Variants in CES4A observed in about 807,000 individuals in gnomAD.
CES4A encodes the protein carboxylesterase 6.
CES4A carries 48 observed loss-of-function variants against 65.4 expected under a neutral mutation model. The observed-to-expected ratio is 0.73, with a 90% CI of 0.58 to 0.93. The LOEUF is 0.93. Ranked by LOEUF, CES4A falls within the 40% of genes least tolerant of loss-of-function variation. The pLI, the probability that CES4A is intolerant of heterozygous loss-of-function variation, is 0.00. For synonymous variants in CES4A, 247 were observed against 281.8 expected, an observed-to-expected ratio of 0.88 and a Z score of 1.24; for missense variants, 685 against 728.5, an observed-to-expected ratio of 0.94 and a Z score of 0.69.
chr16:66,991,802 G>A (rs1964414711), intron 1 of CES4A, among the ~76,000 whole-genome samples: 1 of 152,074 alleles, frequency 6.6e-6, no homozygotes, highest in Admixed American at 6.6e-5. Flanking sequence ...GCCCTATAAG[G>A]TTTTCAGAAA....
intron 2 of CES4A, among the ~76,000 whole-genome samples, chr16:66,997,052 G>A (rs1362869195): frequency 6.7e-6 from 1 of 149,042 alleles, no homozygotes; most frequent in African/African-American, 2.5e-5. Context: ...GCCACAGAGT[G>A]AGACCCTGTC....
At chr16:67,009,248 G>A (rs1459464524) in exon 14 of CES4A, 4 of 1,148,630 alleles carry the variant, frequency 3.5e-6, no homozygotes, top group African/African-American at 1.6e-5. Flanking sequence ...ACCCACCCCA[G>A]TTTAGAACTG....
At chr16:67,004,264 A>C in intron 9 of CES4A, 40 bp downstream of exon 9, 1 of 1,610,594 alleles carries the variant, frequency 6.2e-7, no homozygotes, top group Non-Finnish European at 8.5e-7. Flanking sequence ...GCCTTACGTA[A>C]GTGAGTACCA....
Position 67,005,356 on chromosome 16 carries a change from C to T in CES4A, c.1278C>T (p.Phe426=), listed in dbSNP as rs200048468. 1,949 of 1,614,106 alleles carry T rather than the reference C, an allele frequency of 1.2e-3. 25 individuals carry two copies. Among genetic ancestry groups the T allele is most frequent in the Middle Eastern group, 4.0e-3 (24 of 6,062 alleles). The change falls in exon 11 of 14, where the codon TTC becomes TTT. Residue 426 remains phenylalanine (F), a synonymous_variant. Coordinates refer to ENST00000648724, the Ensembl canonical transcript of CES4A. ...TGGACATAGTTCAAGATGCCACTTT[C>T]GTGTATGCCACACTGCAGACTGCTC...
rs1409478469 is a variant in CES4A at position 66,993,428 on chromosome 16, C to T, written c.59-2200C>T. 6.6e-5 allele frequency among the ~76,000 whole-genome samples: 10 copies of T among 152,064 alleles called. No individual in the cohort carries two copies. In the East Asian group the frequency reaches 9.7e-4, roughly 15 times the overall value. ...CAAAATCTCGGCTCACTGCAACCTC[C>T]GCCTCCCGGGTTCAAGCGATTCTCC... On this transcript the variant is annotated intron_variant, in intron 1 of 13. Transcript: ENST00000648724.
chr16:67,004,171 G>A (rs1291044128), exon 9 of CES4A: 1 of 1,614,210 alleles, frequency 6.2e-7, no homozygotes. Flanking sequence ...GGTTTCATCT[G>A]TGCCCTACCT....
At position 67,003,879 on chromosome 16, in the gene CES4A, C is replaced by T. The variant is rs1253625679; in HGVS notation, c.940-205C>T. Reference sequence around the variant, plus strand: ...TGAAGGAGTGAGCTATACAGATACCCGCGGCCATCCCAAGTCCACGTAATT... The same window carrying T: ...TGAAGGAGTGAGCTATACAGATACCTGCGGCCATCCCAAGTCCACGTAATT... On this transcript the variant is annotated intron_variant, in intron 8 of 13. Coordinates refer to ENST00000648724, the Ensembl canonical transcript of CES4A. The surrounding 1 kb of genome is among the most constrained non-coding windows in gnomAD (Gnocchi z 4.2). Among the ~76,000 whole-genome samples, 9 of 152,096 alleles carry T rather than the reference C, an allele frequency of 5.9e-5. No homozygotes were observed. The South Asian group carries it at 6.2e-4, about 11-fold the overall frequency.
chr16:67,003,722 T>C lies in CES4A; in HGVS notation c.939+169T>C, dbSNP rs1364799247. 6.6e-6 allele frequency among the ~76,000 whole-genome samples: 1 copy of C among 152,072 alleles called. No individual in the cohort carries two copies. Among genetic ancestry groups the C allele is most frequent in the African/African-American group, 2.4e-5 (1 of 41,380 alleles). On this transcript the variant is annotated intron_variant, in intron 8 of 13. Coordinates refer to ENST00000648724, the Ensembl canonical transcript of CES4A. The surrounding 1 kb of genome is among the most constrained non-coding windows in gnomAD (Gnocchi z 4.2). The stretch of plus-strand genomic sequence containing the variant: ...TAAATAAATATATTATCCACCTCCT[T>C]AGAAGGTGATAGGTGAATAGCAAGG...
chr16:67,007,036 A>G, intron 13 of CES4A: 1 of 544,018 alleles, frequency 1.8e-6, no homozygotes, highest in Non-Finnish European at 3.3e-6. Flanking sequence ...CTCTTCATTC[A>G]CTCAAGCATT....
chr16:67,001,080 TG>T lies in CES4A; in HGVS notation c.536+98del, dbSNP rs747522815. 0.11 allele frequency: 17,244 copies of T among 162,418 alleles called. 494 individuals are homozygous for T. The highest frequency in any genetic ancestry group is 0.31 in the Admixed American group (3,598 of 11,554). The allele number at this position is 162,418 out of a possible 1,614,324, so 10.1% of individuals were successfully genotyped here. ...GGAGGGGCGGGGCCTGGGGCGGGGA[TG>T]GGGGGGGTGGGGCCGCGAGGCGGGG... On this transcript the variant is annotated intron_variant, in intron 4 of 13. Coordinates refer to ENST00000648724, the Ensembl canonical transcript of CES4A. This position sits in a 1 kb window ranked among gnomAD's most constrained non-coding sequence, Gnocchi z 4.1.
At chr16:67,004,689 C>A in intron 9 of CES4A, 104 bp from the exon 10 acceptor site, 1 of 871,078 alleles carries the variant, frequency 1.1e-6, no homozygotes, top group Non-Finnish European at 1.8e-6. Flanking sequence ...TGTCTGATAA[C>A]TCATCATTAG....
In CES4A at chr16:67,003,113, C is replaced by T; in HGVS notation, c.734C>T (p.Ser245Phe). 6.2e-7 allele frequency: 1 copy of T among 1,614,156 alleles called. No homozygotes were observed. Among genetic ancestry groups the T allele is most frequent in the Non-Finnish European group, 8.5e-7 (1 of 1,180,012 alleles). Residue 245 changes from serine to phenylalanine, a missense_variant, in exon 6 of 14, where the codon TCC (serine) becomes TTC (phenylalanine). Coordinates refer to ENST00000648724, the Ensembl canonical transcript of CES4A. The surrounding 1 kb of genome is among the most constrained non-coding windows in gnomAD (Gnocchi z 4.2). ...TCGGGTCTCTTCCATCGGGCCATTTCCCAGAGTGGCACCGCGTTATTCAGA... is the reference window on the plus strand; with the variant it reads ...TCGGGTCTCTTCCATCGGGCCATTTTCCAGAGTGGCACCGCGTTATTCAGA...
At position 67,000,678 on chromosome 16, in the gene CES4A, G is replaced by T. The variant is rs1298312425; in HGVS notation, c.301G>T (p.Val101Phe). ...CTGGGGCCAGCTGGCCTCGATGTAC[G>T]TCAGCACGCGGGAACGGTACAAGTG... The change falls in exon 3 of 14, where the codon GTC becomes TTC. Residue 101 changes from valine (V) to phenylalanine (F), a missense_variant. By Grantham distance (50) the Val-to-Phe change is conservative (BLOSUM62 -1). Coordinates refer to ENST00000648724, the Ensembl canonical transcript of CES4A. The surrounding 1 kb of genome is among the most constrained non-coding windows in gnomAD (Gnocchi z 4.2). 3 of 1,550,434 alleles carry T rather than the reference G, an allele frequency of 1.9e-6. No homozygotes were observed. Among genetic ancestry groups the T allele is most frequent in the East Asian group, 4.9e-5 (2 of 41,014 alleles).
chr16:67,010,099 CTT>C (rs376401236), downstream of CES4A, among the ~76,000 whole-genome samples: 279 of 142,210 alleles, frequency 2.0e-3, no homozygotes, highest in African/African-American at 6.6e-3. Flanking sequence ...GAGTTTTGCT[CTT>C]GTCACCCAGG....
chr16:67,003,960 C>A lies in CES4A; in HGVS notation c.940-124C>A. On this transcript the variant is annotated intron_variant, in intron 8 of 13. Transcript: ENST00000648724. This position sits in a 1 kb window ranked among gnomAD's most constrained non-coding sequence, Gnocchi z 4.2. ...CCCATCCTCCTGGGGCTCACCATGC[C>A]AGCCCCAGCCTTTTCCCAATCAAAG... is the stretch of plus-strand genomic sequence containing the variant. 9.7e-7 allele frequency: 1 copy of A among 1,027,096 alleles called. No individual in the cohort carries two copies. The highest frequency in any genetic ancestry group is 1.5e-6 in the Non-Finnish European group (1 of 681,568). The allele number at this position is 1,027,096 out of a possible 1,614,324, so 63.6% of individuals were successfully genotyped here.
At chr16:67,006,335 T>C (rs1345257989) in intron 11 of CES4A, 56 bp from the exon 12 acceptor site, 3 of 1,530,990 alleles carry the variant, frequency 2.0e-6, no homozygotes, top group African/African-American at 1.4e-5. Context: ...ATGGGGTGGA[T>C]GAGAAGCCTA....
intron 13 of CES4A, chr16:67,007,686 T>C (rs1177755697): frequency 6.6e-6 from 1 of 152,124 alleles, no homozygotes; most frequent in African/African-American, 2.4e-5. Flanking sequence ...AGTGGTGCAA[T>C]CACAGCTCAC....
chr16:67,006,858 C>T lies in CES4A; in HGVS notation c.1517+41C>T, dbSNP rs376892134. 5 of 1,583,052 alleles carry T rather than the reference C, an allele frequency of 3.2e-6. No individual in the cohort carries two copies. In the African/African-American group the frequency reaches 5.4e-5, roughly 17 times the overall value. ...AGCACATCTGGGCATTCTACCTGCC[C>T]AGTGCTGGACCTGAAGAAGCCAGCT... On this transcript the variant is annotated intron_variant, in intron 13 of 13. Transcript: ENST00000648724.
In CES4A at chr16:67,000,654, T is replaced by A. The variant is rs1475063600; in HGVS notation, c.277T>A (p.Trp93Arg). The change falls in exon 3 of 14, where the codon TGG becomes AGG. Residue 93 changes from tryptophan to arginine, a missense_variant. Physicochemically the swap from Trp to Arg is moderately radical, Grantham distance 101 (BLOSUM62 -3). Coordinates refer to ENST00000648724, the Ensembl canonical transcript of CES4A. The surrounding 1 kb of genome is among the most constrained non-coding windows in gnomAD (Gnocchi z 4.2). ...TGCCCGCAGGTGCCTGCAGGAGTCCTGGGGCCAGCTGGCCTCGATGTACGT... is the reference window on the plus strand; with the variant it reads ...TGCCCGCAGGTGCCTGCAGGAGTCCAGGGGCCAGCTGGCCTCGATGTACGT... 6.5e-7 allele frequency: 1 copy of A among 1,548,696 alleles called. No individual in the cohort carries two copies. The highest frequency in any genetic ancestry group is 8.7e-7 in the Non-Finnish European group (1 of 1,146,376).
Sources: allele counts gnomAD v4.1 joint callset (sites outside exome capture counted in the v4.1 genomes callset), GRCh38; gene constraint gnomAD v4.1.1; non-coding constraint Gnocchi (gnomAD v3.1); transcripts MANE v1.5; gene names NCBI Gene and HGNC (gene_info 2026-07-23, HGNC 2026-07-21).